Variants in AGTR1 observed in about 807,000 individuals in gnomAD.
AGTR1 encodes type-1 angiotensin II receptor.
In AGTR1, 16 loss-of-function variants were observed where a neutral mutation model predicts 19.4. That is an observed-to-expected ratio of 0.82 (90% CI 0.56 to 1.25). AGTR1 has a LOEUF of 1.25. AGTR1 is among the 50% of genes most tolerant of loss of function. The probability of loss-of-function intolerance (pLI) is 0.00; values close to 1 mark genes in which losing one functional copy is unlikely to be tolerated. For synonymous variants in AGTR1, 153 were observed against 154.9 expected, an observed-to-expected ratio of 0.99 and a Z score of 0.09; for missense variants, 373 against 431.9, an observed-to-expected ratio of 0.86 and a Z score of 1.21.
chr3:148,741,890 T>TATCA lies in AGTR1; in HGVS notation c.856_859dup (p.Thr287AsnfsTer9). The TATCA allele has an allele frequency of 6.2e-7, 1 of 1,614,196 alleles. No homozygotes were observed. The highest frequency in any genetic ancestry group is 8.5e-7 in the Non-Finnish European group (1 of 1,180,028). On this transcript the variant is annotated frameshift_variant, in exon 3 of 3. Coordinates refer to ENST00000349243, the MANE Select transcript of AGTR1 (RefSeq NM_000685.5). LOFTEE classifies it high-confidence loss of function. ...CAGATATTGTGGACACGGCCATGCC[T>TATCA]ATCACCATTTGTATAGCTTATTTTA... is the stretch of plus-strand genomic sequence containing the variant.
chr3:148,714,469 G>C (rs1373225699), intron 2 of AGTR1, among the ~76,000 whole-genome samples: 6 of 152,128 alleles, frequency 3.9e-5, no homozygotes, highest in Non-Finnish European at 1.5e-5. Context: ...TCAAGGCACA[G>C]CGAGTATGCC....
At chr3:148,707,566 A>C (rs1005872651) in intron 1 of AGTR1, among the ~76,000 whole-genome samples, 2 of 151,910 alleles carry the variant, frequency 1.3e-5, no homozygotes, top group Non-Finnish European at 2.9e-5. Flanking sequence ...GTTTAGCTGT[A>C]GATTCACAAG....
chr3:148,728,172 A>C (rs1350791815), intron 2 of AGTR1, among the ~76,000 whole-genome samples: 1 of 152,214 alleles, frequency 6.6e-6, no homozygotes, highest in Non-Finnish European at 1.5e-5. Context: ...TTGAAACATT[A>C]CTTACAGAAT....
Position 148,741,039 on chromosome 3 carries a change from A to T in AGTR1, c.4A>T (p.Ile2Phe), listed in dbSNP as rs372561921. 1.9e-5 allele frequency: 31 copies of T among 1,613,760 alleles called. No individual in the cohort carries two copies. The highest frequency in any genetic ancestry group is 7.6e-6 in the Non-Finnish European group (9 of 1,179,906). ...AAATTCGACCCAGGTGATCAAAATG[A>T]TTCTCAACTCTTCTACTGAAGATGG... M[I>F]LNSSTEDGIK... The change falls in exon 3 of 3, where the codon ATT (isoleucine) becomes TTT (phenylalanine). Residue 2 changes from isoleucine to phenylalanine, a missense_variant. Ile to Phe is a conservative substitution (Grantham distance 21). Transcript: ENST00000349243.
chr3:148,703,206 A>G (rs1712455854), intron 1 of AGTR1, among the ~76,000 whole-genome samples: 1 of 152,194 alleles, frequency 6.6e-6, no homozygotes, highest in Non-Finnish European at 1.5e-5. Flanking sequence ...CTGTTGAGAC[A>G]CATTGTATTA....
Position 148,742,587 on chromosome 3 carries a change from C to T in AGTR1, c.*472C>T, listed in dbSNP as rs1714982463. ...TATTAGCAACTGTGCTACACTTGCA[C>T]CTGGTACTGCACATTTTGTACAAAG... On this transcript the variant is annotated 3_prime_UTR_variant, in exon 3 of 3. Coordinates refer to ENST00000349243, the MANE Select transcript of AGTR1 (RefSeq NM_000685.5). The T allele has an allele frequency of 3.5e-6, 1 of 283,280 alleles. No homozygotes were observed. Among genetic ancestry groups the T allele is most frequent in the Admixed American group, 5.1e-5 (1 of 19,666 alleles). The allele number at this position is 283,280 out of a possible 1,614,324, so 17.5% of individuals were successfully genotyped here. A position where few individuals can be genotyped will look rare whatever the true frequency, so the allele number is the denominator to read the frequency against.
chr3:148,716,060 C>A lies in AGTR1; in HGVS notation c.-48+8033C>A, dbSNP rs1253802260. 6.6e-6 allele frequency among the ~76,000 whole-genome samples: 1 copy of A among 152,128 alleles called. No individual in the cohort carries two copies. The highest frequency in any genetic ancestry group is 1.5e-5 in the Non-Finnish European group (1 of 68,026). On this transcript the variant is annotated intron_variant, in intron 2 of 2. Coordinates refer to ENST00000349243, the MANE Select transcript of AGTR1 (RefSeq NM_000685.5). This position sits in a 1 kb window ranked among gnomAD's most constrained non-coding sequence, Gnocchi z 4.7. The stretch of plus-strand genomic sequence containing the variant: ...CCCCAAACCGTATCCTATGGAAATG[C>A]CTTTTTAGCAAATTAAACTGAATTG...
At chr3:148,738,914 A>G (rs952025337) in intron 2 of AGTR1, among the ~76,000 whole-genome samples, 2 of 152,194 alleles carry the variant, frequency 1.3e-5, no homozygotes, top group African/African-American at 4.8e-5. Flanking sequence ...TCACTCATTC[A>G]TGAGACATTT....
In AGTR1 at chr3:148,741,708, G is replaced by A; in HGVS notation, c.673G>A (p.Ala225Thr). The change falls in exon 3 of 3, where the codon GCT (alanine) becomes ACT (threonine). Residue 225 changes from alanine to threonine, a missense_variant. Ala to Thr is a moderately conservative substitution (Grantham distance 58). Transcript: ENST00000349243. ...TCTTATTTGGAAGGCCCTAAAGAAG[G>A]CTTATGAAATTCAGAAGAACAAACC... is the stretch of plus-strand genomic sequence containing the variant. Reference protein sequence around the residue: ...YTLIWKALKKAYEIQKNKPRN... With the variant: ...YTLIWKALKKTYEIQKNKPRN... The A allele has an allele frequency of 6.2e-7, 1 of 1,613,892 alleles. No homozygotes were observed.
chr3:148,701,709 A>G (rs1189023795), intron 1 of AGTR1, among the ~76,000 whole-genome samples: 1 of 152,180 alleles, frequency 6.6e-6, no homozygotes, highest in East Asian at 1.9e-4. Context: ...AAATGGGTAA[A>G]AAATGAGTGT....
intron 2 of AGTR1, among the ~76,000 whole-genome samples, chr3:148,714,054 A>C (rs1363072143): frequency 1.3e-5 from 2 of 152,186 alleles, no homozygotes; most frequent in Non-Finnish European, 2.9e-5. Context: ...GATGATAGGA[A>C]TACTACTGAA....
Position 148,741,635 on chromosome 3 carries a change from T to G in AGTR1, c.600T>G (p.Asn200Lys). The change falls in exon 3 of 3, where the codon AAT becomes AAG. Residue 200 changes from asparagine to lysine, a missense_variant. Asn to Lys is a moderately conservative substitution (Grantham distance 94). Transcript: ENST00000349243. ...CGATAGGGCTGGGCCTGACCAAAAA[T>G]ATACTGGGTTTCCTGTTTCCTTTTC... ...TLPIGLGLTK[N>K]ILGFLFPFLI... The G allele has an allele frequency of 6.2e-7, 1 of 1,614,152 alleles. No individual in the cohort carries two copies. Among genetic ancestry groups the G allele is most frequent in the Non-Finnish European group, 8.5e-7 (1 of 1,180,006 alleles).
At chr3:148,720,976 T>G (rs1421877729) in intron 2 of AGTR1, among the ~76,000 whole-genome samples, 2 of 152,236 alleles carry the variant, frequency 1.3e-5, no homozygotes, top group Non-Finnish European at 2.9e-5. Context: ...AATTTGTTGG[T>G]GGTGCTATAA....
At position 148,742,051 on chromosome 3, in the gene AGTR1, A is replaced by G. The variant is rs147106220; in HGVS notation, c.1016A>G (p.Tyr339Cys). 11 of 1,613,908 alleles carry G rather than the reference A, an allele frequency of 6.8e-6. No homozygotes were observed. The highest frequency in any genetic ancestry group is 1.1e-5 in the South Asian group (1 of 91,066). The change falls in exon 3 of 3, where the codon TAC becomes TGC. Residue 339 changes from tyrosine (Y) to cysteine (C), a missense_variant. Tyr to Cys is a radical substitution (Grantham distance 194, BLOSUM62 -2). Transcript: ENST00000349243. The part of the protein sequence containing the change: ...NLSTKMSTLS[Y>C]RPSDNVSSST... ...TCAACAAAAATGAGCACGCTTTCCT[A>G]CCGCCCCTCAGATAATGTAAGCTCA...
At chr3:148,724,723 C>T (rs1713833042) in intron 2 of AGTR1, among the ~76,000 whole-genome samples, 2 of 152,114 alleles carry the variant, frequency 1.3e-5, no homozygotes, top group Non-Finnish European at 2.9e-5. Context: ...AGAGAACATA[C>T]TAGTTTCTGA....
intron 2 of AGTR1, chr3:148,739,717 A>G (rs1345485633): frequency 5.2e-6 from 6 of 1,158,942 alleles, no homozygotes; most frequent in Non-Finnish European, 6.5e-6. Flanking sequence ...CTCTAAGAAC[A>G]TGTGTTCAGC....
chr3:148,698,089 C>A lies in AGTR1; in HGVS notation c.-170C>A, dbSNP rs961582669. The A allele has an allele frequency of 6.6e-6, 1 of 152,052 alleles. No individual in the cohort carries two copies. Among genetic ancestry groups the A allele is most frequent in the African/African-American group, 2.4e-5 (1 of 41,416 alleles). The allele number at this position is 152,052 out of a possible 1,614,324, so 9.4% of individuals were successfully genotyped here. Reference sequence around the variant, plus strand: ...GGCGGGAGACCCGCACCAGCGCAGCCGGCCCTCGGCGGGACGTGACGCAGC... The same window carrying A: ...GGCGGGAGACCCGCACCAGCGCAGCAGGCCCTCGGCGGGACGTGACGCAGC... On this transcript the variant is annotated 5_prime_UTR_variant, in exon 1 of 3. Coordinates refer to ENST00000349243, the MANE Select transcript of AGTR1 (RefSeq NM_000685.5).
chr3:148,726,689 C>T (rs928664936), intron 2 of AGTR1, among the ~76,000 whole-genome samples: 1 of 152,016 alleles, frequency 6.6e-6, no homozygotes, highest in Non-Finnish European at 1.5e-5. Context: ...CATTTACCCC[C>T]AATTATGCGG....
chr3:148,698,987 G>GC (rs772976605), intron 1 of AGTR1, among the ~76,000 whole-genome samples: 3 of 124,490 alleles, frequency 2.4e-5, no homozygotes, highest in Non-Finnish European at 4.6e-5. Flanking sequence ...CTTCTGCACC[G>GC]TTTTTTTCTT....
Sources: gnomAD v4.1 joint callset for allele counts (sites outside exome capture counted in the v4.1 genomes callset) on GRCh38, gnomAD v4.1.1 for gene constraint, Gnocchi (gnomAD v3.1) non-coding constraint, MANE v1.5 for transcripts, NCBI Gene and HGNC (gene_info 2026-07-23, HGNC 2026-07-21) for gene names.